Variants in RFC3 observed in about 807,000 individuals in gnomAD.
RFC3 encodes the protein A1 38 kDa subunit.
In RFC3, 41 loss-of-function variants were observed where a neutral mutation model predicts 45.1. The observed-to-expected ratio is 0.91, with a 90% CI of 0.71 to 1.18. The LOEUF (loss-of-function observed/expected upper bound fraction) is 1.18, where lower values mean the gene tolerates loss of function less well. RFC3 is among the 50% of genes most tolerant of loss of function. The probability of loss-of-function intolerance (pLI) is 0.00; values close to 1 mark genes in which losing one functional copy is unlikely to be tolerated. For missense variants in RFC3, 423 were observed against 428.1 expected (o/e 0.99, Z 0.10); for synonymous variants, 149 against 144.0 (o/e 1.03, Z -0.25).
intron 8 of RFC3, among the ~76,000 whole-genome samples, chr13:33,893,546 C>A (rs2082576993): frequency 6.6e-6 from 1 of 151,930 alleles, no homozygotes; most frequent in South Asian, 2.1e-4. Context: ...AGTGCCTGAC[C>A]TCAATGAGAA....
At chr13:33,900,505 CTCTG>C (rs57075155) in intron 8 of RFC3, among the ~76,000 whole-genome samples, 17,305 of 151,774 alleles carry the variant, frequency 0.11, 1,999 homozygotes, top group African/African-American at 0.3. Flanking sequence ...AGATTCCTAT[CTCTG>C]TCTATCACCA....
the RFC3 span, among the ~76,000 whole-genome samples, chr13:33,973,514 G>A: frequency 1.3e-5 from 2 of 152,176 alleles, no homozygotes; most frequent in Admixed American, 6.5e-5. Context: ...AACACATTTT[G>A]TGGGAGATAC....
At chr13:33,832,330 A>G (rs1160615084) in intron 7 of RFC3, among the ~76,000 whole-genome samples, 2 of 152,182 alleles carry the variant, frequency 1.3e-5, no homozygotes, top group Non-Finnish European at 2.9e-5. Context: ...TATAGACTGA[A>G]TAGACTGCAG....
At chr13:33,888,836 C>T (rs1593668465) in intron 8 of RFC3, among the ~76,000 whole-genome samples, 2 of 151,694 alleles carry the variant, frequency 1.3e-5, no homozygotes, top group South Asian at 4.2e-4. Context: ...ATGTCCACCT[C>T]CCAGGTTCAC....
intron 8 of RFC3, among the ~76,000 whole-genome samples, chr13:33,948,208 T>C (rs559039920): frequency 3.0e-4 from 46 of 152,338 alleles, no homozygotes; most frequent in African/African-American, 1.1e-3. Flanking sequence ...GTGTCCCAGC[T>C]GCTTCAGCTC....
chr13:33,967,486 C>CTT (rs11393413), downstream of RFC3, among the ~76,000 whole-genome samples: 3,895 of 119,380 alleles, frequency 0.033, 196 homozygotes, highest in Admixed American at 0.041. Flanking sequence ...ACCAGCAATT[C>CTT]TTTTTTTTTT....
intron 8 of RFC3, among the ~76,000 whole-genome samples, chr13:33,949,045 G>A (rs566171221): frequency 2.0e-5 from 3 of 152,198 alleles, no homozygotes; most frequent in African/African-American, 7.2e-5. Context: ...CATGAGATTT[G>A]GGAGGGTCAG....
At chr13:33,842,653 A>G (rs2082208272) in intron 8 of RFC3, among the ~76,000 whole-genome samples, 1 of 152,158 alleles carries the variant, frequency 6.6e-6, no homozygotes, top group South Asian at 2.1e-4. Context: ...TAGGGTGGGA[A>G]GGAAGGTTTT....
intron 8 of RFC3, among the ~76,000 whole-genome samples, chr13:33,928,391 A>G (rs939272317): frequency 1.3e-5 from 2 of 152,148 alleles, no homozygotes; most frequent in African/African-American, 2.4e-5. Flanking sequence ...AAATTTTCCA[A>G]TCAAGTTGTA....
chr13:33,972,478 A>G, the RFC3 span, among the ~76,000 whole-genome samples: 14 of 152,142 alleles, frequency 9.2e-5, no homozygotes, highest in Admixed American at 2.6e-4. Context: ...CTTTCTTGCT[A>G]TTAAGTTTGA....
intron 8 of RFC3, among the ~76,000 whole-genome samples, chr13:33,871,472 C>G (rs1292098202): frequency 6.6e-6 from 1 of 152,218 alleles, no homozygotes; most frequent in Non-Finnish European, 1.5e-5. Context: ...CTGCTGCCCT[C>G]CTGCTGCCCT....
chr13:33,826,614 T>G (rs189511560), intron 4 of RFC3, among the ~76,000 whole-genome samples: 28 of 152,322 alleles, frequency 1.8e-4, no homozygotes, highest in African/African-American at 6.5e-4. Flanking sequence ...TATGAATTTA[T>G]TTTTTGCTAC....
chr13:33,898,373 CAT>C lies in RFC3; in HGVS notation c.879+63157_879+63158del, dbSNP rs546843833. 2.6e-3 allele frequency among the ~76,000 whole-genome samples: 391 copies of C among 151,948 alleles called. 1 individual carries two copies. The highest frequency in any genetic ancestry group is 7.9e-3 in the African/African-American group (329 of 41,524). Reference sequence around the variant, plus strand: ...AGAGGAATTTTGGAAACTACACAAACATGTGTACATTAAACAACATGCTCCTG... The same window carrying C: ...AGAGGAATTTTGGAAACTACACAAACGTGTACATTAAACAACATGCTCCTG... On this transcript the variant is annotated intron_variant, in intron 8 of 8. Transcript: ENST00000434425.
intron 8 of RFC3, among the ~76,000 whole-genome samples, chr13:33,961,171 C>T (rs1041592326): frequency 2.6e-5 from 4 of 152,104 alleles, no homozygotes; most frequent in African/African-American, 9.7e-5. Context: ...CTGGCCACCC[C>T]GCCTATTACA....
intron 8 of RFC3, among the ~76,000 whole-genome samples, chr13:33,911,532 T>TA (rs1487995233): frequency 6.6e-6 from 1 of 152,074 alleles, no homozygotes; most frequent in Non-Finnish European, 1.5e-5. Context: ...GTATTTAGCT[T>TA]ACAGTTCTGC....
intron 8 of RFC3, among the ~76,000 whole-genome samples, chr13:33,964,272 A>C (rs1317263612): frequency 6.6e-6 from 1 of 152,226 alleles, no homozygotes; most frequent in Non-Finnish European, 1.5e-5. Flanking sequence ...AAGAGATAGA[A>C]AATGGGTATT....
chr13:33,963,163 C>G (rs1164466878), intron 8 of RFC3, among the ~76,000 whole-genome samples: 4 of 71,184 alleles, frequency 5.6e-5, no homozygotes, highest in Non-Finnish European at 1.2e-4. Flanking sequence ...ATTACTTTTA[C>G]AATTATAATT....
At chr13:33,962,862 C>T (rs1342077676) in intron 8 of RFC3, among the ~76,000 whole-genome samples, 1 of 152,016 alleles carries the variant, frequency 6.6e-6, no homozygotes, top group Admixed American at 6.6e-5. Flanking sequence ...AGTTGAGATT[C>T]TCTGAAAATT....
intron 8 of RFC3, among the ~76,000 whole-genome samples, chr13:33,844,948 T>A (rs776262416): frequency 1.5e-4 from 23 of 152,234 alleles, no homozygotes; most frequent in Admixed American, 2.6e-4. Context: ...CCCTTTGGCA[T>A]TACTTGTATG....
Sources: allele counts gnomAD v4.1 joint callset (sites outside exome capture counted in the v4.1 genomes callset), GRCh38; gene constraint gnomAD v4.1.1; transcripts MANE v1.5; gene names NCBI Gene and HGNC (gene_info 2026-07-23, HGNC 2026-07-21).